DAB1: variants seen among roughly 807,000 people sequenced by gnomAD.
The protein encoded by DAB1 is DAB adaptor protein 1.
DAB1 carries 15 observed loss-of-function variants against 64.6 expected under a neutral mutation model. The ratio of observed to expected loss-of-function variants is 0.23; its 90% confidence interval spans 0.16 to 0.36. The LOEUF is 0.36. Ranked by LOEUF, DAB1 falls within the 10% of genes least tolerant of loss-of-function variation. The pLI, the probability that DAB1 is intolerant of heterozygous loss-of-function variation, is 1.00. For synonymous variants in DAB1, 235 were observed against 251.9 expected, an observed-to-expected ratio of 0.93 and a Z score of 0.64; for missense variants, 596 against 706.7, an observed-to-expected ratio of 0.84 and a Z score of 1.78.
At chr1:57,816,660 T>C (rs897305099) in intron 6 of DAB1, among the ~76,000 whole-genome samples, 2 of 152,242 alleles carry the variant, frequency 1.3e-5, no homozygotes, top group Non-Finnish European at 2.9e-5. Context: ...TTCATTATTA[T>C]GAGAAATCTG....
At chr1:57,404,260 C>G (rs1274227375) in intron 1 of DAB1, among the ~76,000 whole-genome samples, 1 of 152,004 alleles carries the variant, frequency 6.6e-6, no homozygotes, top group Admixed American at 6.6e-5. Context: ...AATGTATTGA[C>G]AGAATAAACT....
chr1:57,014,369 C>T (rs953187431), intron 12 of DAB1, among the ~76,000 whole-genome samples: 2 of 152,192 alleles, frequency 1.3e-5, no homozygotes, highest in Non-Finnish European at 2.9e-5. Flanking sequence ...CCTAAGTTTT[C>T]TCTTGATCCT....
chr1:57,782,851 G>T (rs147103154), intron 6 of DAB1, among the ~76,000 whole-genome samples: 1 of 152,058 alleles, frequency 6.6e-6, no homozygotes, highest in East Asian at 1.9e-4. Flanking sequence ...ATTTATTTTC[G>T]TTTGAAGCTT....
At chr1:58,210,748 G>A (rs1348894895) in intron 4 of DAB1, among the ~76,000 whole-genome samples, 2 of 152,120 alleles carry the variant, frequency 1.3e-5, no homozygotes, top group African/African-American at 4.8e-5. Flanking sequence ...ACATGGAATT[G>A]TTGGTGAGCA....
At chr1:57,418,001 G>T (rs1396902452) in intron 1 of DAB1, among the ~76,000 whole-genome samples, 1 of 152,060 alleles carries the variant, frequency 6.6e-6, no homozygotes, top group Non-Finnish European at 1.5e-5. Context: ...ACCTCCAGAA[G>T]GTTCCACAGC....
At chr1:58,444,960 T>C (rs1174026572) in intron 3 of DAB1, among the ~76,000 whole-genome samples, 2 of 152,200 alleles carry the variant, frequency 1.3e-5, no homozygotes, top group Non-Finnish European at 2.9e-5. Flanking sequence ...CTGGTTGTGT[T>C]TTTAGCAATT....
chr1:57,896,192 G>T (rs1396871398), intron 5 of DAB1, among the ~76,000 whole-genome samples: 2 of 152,082 alleles, frequency 1.3e-5, no homozygotes, highest in African/African-American at 4.8e-5. Context: ...CCGGGTCTCA[G>T]TTTCTTTATG....
At chr1:57,296,030 A>G (rs1673168711) in intron 1 of DAB1, among the ~76,000 whole-genome samples, 1 of 152,164 alleles carries the variant, frequency 6.6e-6, no homozygotes, top group Admixed American at 6.5e-5. Flanking sequence ...TTGAAGCAAG[A>G]GCAGCAGCAA....
chr1:57,208,457 A>G (rs986588290), intron 2 of DAB1, among the ~76,000 whole-genome samples: 3 of 151,864 alleles, frequency 2.0e-5, no homozygotes, highest in African/African-American at 4.8e-5. Context: ...CATGGATCAC[A>G]CTCTTCCCTT....
At chr1:57,430,455 A>G (rs946408747) in intron 7 of DAB1, among the ~76,000 whole-genome samples, 11 of 150,726 alleles carry the variant, frequency 7.3e-5, no homozygotes, top group Admixed American at 1.3e-4. Context: ...GGCTCACTGC[A>G]AGCTCCGCCT....
intron 4 of DAB1, among the ~76,000 whole-genome samples, chr1:57,079,308 C>T (rs1453823274): frequency 6.6e-6 from 1 of 152,048 alleles, no homozygotes; most frequent in African/African-American, 2.4e-5. Flanking sequence ...ATTCAGTCTC[C>T]CTCATTCTTA....
chr1:57,214,649 A>G (rs1005568095), intron 2 of DAB1, among the ~76,000 whole-genome samples: 11 of 152,122 alleles, frequency 7.2e-5, no homozygotes, highest in Non-Finnish European at 1.6e-4. Flanking sequence ...AGTGGCTCAC[A>G]CCTGTAATCC....
intron 4 of DAB1, among the ~76,000 whole-genome samples, chr1:58,151,493 T>C (rs1257251671): frequency 6.6e-6 from 1 of 152,216 alleles, no homozygotes; most frequent in African/African-American, 2.4e-5. Flanking sequence ...ATGTCTTCTT[T>C]TGAGAAGTGG....
intron 4 of DAB1, among the ~76,000 whole-genome samples, chr1:58,247,921 T>C (rs1243697487): frequency 2.0e-5 from 3 of 151,982 alleles, no homozygotes; most frequent in African/African-American, 7.3e-5. Context: ...CTCCTTCCTT[T>C]GCCTCTTCCC....
intron 2 of DAB1, among the ~76,000 whole-genome samples, chr1:57,198,915 T>C (rs1664870588): frequency 6.6e-6 from 1 of 152,116 alleles, no homozygotes; most frequent in Non-Finnish European, 1.5e-5. Context: ...AGAGCATAAG[T>C]TGGGGCCTAG....
At chr1:57,424,154 C>T (rs866329047), upstream of DAB1, 1 of 148,656 alleles carries the variant, frequency 6.7e-6, no homozygotes, top group Non-Finnish European at 1.5e-5. Context: ...CCCGCCCCGC[C>T]GCCCCCCGCG....
intron 5 of DAB1, among the ~76,000 whole-genome samples, chr1:57,890,208 T>A (rs973701108): frequency 1.3e-5 from 2 of 152,056 alleles, no homozygotes; most frequent in Non-Finnish European, 2.9e-5. Context: ...AACGAGAGTT[T>A]GGACAACAGC....
chr1:58,479,872 C>T (rs1313115810), intron 3 of DAB1, among the ~76,000 whole-genome samples: 1 of 151,978 alleles, frequency 6.6e-6, no homozygotes, highest in Non-Finnish European at 1.5e-5. Flanking sequence ...ATAATAAAAC[C>T]TAGTAGGGTT....
At chr1:57,421,898 G>T (rs1204200411) in intron 1 of DAB1, among the ~76,000 whole-genome samples, 4 of 117,748 alleles carry the variant, frequency 3.4e-5, no homozygotes, top group African/African-American at 1.3e-4. Context: ...GAGATGGGGG[G>T]TGGCGGGGGG....
Sources: allele counts gnomAD v4.1 joint callset (sites outside exome capture counted in the v4.1 genomes callset), GRCh38; gene constraint gnomAD v4.1.1; transcripts MANE v1.5; gene names NCBI Gene and HGNC (gene_info 2026-07-23, HGNC 2026-07-21).